Variants in CAMTA1 observed in about 807,000 individuals in gnomAD.
CAMTA1 encodes the protein calmodulin-binding transcription activator 1.
In CAMTA1, 27 loss-of-function variants were observed where a neutral mutation model predicts 170.9. The ratio of observed to expected loss-of-function variants is 0.16; its 90% CI spans 0.12 to 0.22. CAMTA1 has a LOEUF of 0.22. Ranked by LOEUF, CAMTA1 falls within the 10% of genes least tolerant of loss-of-function variation. CAMTA1 has a pLI of 1.00. For missense variants in CAMTA1, 1,619 were observed against 2,217.2 expected (o/e 0.73, Z 5.42); for synonymous variants, 833 against 891.5 (o/e 0.93, Z 1.17).
At chr1:6,789,488 G>C (rs1640403261) in intron 1 of CAMTA1, among the ~76,000 whole-genome samples, 1 of 152,032 alleles carries the variant, frequency 6.6e-6, no homozygotes, top group South Asian at 2.1e-4. Flanking sequence ...TTCCTTTCCT[G>C]TTTGGGGGAA....
intron 4 of CAMTA1, among the ~76,000 whole-genome samples, chr1:7,104,287 T>C (rs879677630): frequency 5.0e-4 from 62 of 124,090 alleles, no homozygotes; most frequent in Admixed American, 7.5e-4. Context: ...ACAAAACAAA[T>C]ATTCAACACA....
chr1:7,578,480 A>G (rs2095224138), intron 6 of CAMTA1, among the ~76,000 whole-genome samples: 1 of 152,210 alleles, frequency 6.6e-6, no homozygotes, highest in African/African-American at 2.4e-5. Context: ...CACAGATGCC[A>G]CTGGGGAAGG....
At position 7,516,129 on chromosome 1, in the gene CAMTA1, G is replaced by A. The variant is rs534957601; in HGVS notation, c.510+48228G>A. On this transcript the variant is annotated intron_variant, in intron 6 of 22. Coordinates refer to ENST00000303635, the MANE Select transcript of CAMTA1 (RefSeq NM_015215.4). ...CCTCCCAGCCGGCTGGGGAACGTGCGCTGACTTTGTAAGTCTCCACCGCTT... is the reference window on the plus strand; with the variant it reads ...CCTCCCAGCCGGCTGGGGAACGTGCACTGACTTTGTAAGTCTCCACCGCTT... 1.4e-4 allele frequency among the ~76,000 whole-genome samples: 22 copies of A among 152,308 alleles called. 1 individual carries two copies. The South Asian group carries it at 1.4e-3, about 10-fold the overall frequency.
At chr1:7,541,868 GT>G (rs35970674) in intron 6 of CAMTA1, among the ~76,000 whole-genome samples, 39,908 of 151,952 alleles carry the variant, frequency 0.26, 5,501 homozygotes, top group African/African-American at 0.33. Flanking sequence ...ACACTGACGT[GT>G]TTTTTTGTTT....
intron 1 of CAMTA1, among the ~76,000 whole-genome samples, chr1:6,792,168 G>C (rs1641297207): frequency 6.6e-6 from 1 of 151,872 alleles, no homozygotes; most frequent in Admixed American, 6.6e-5. Flanking sequence ...ATGTTGGCCA[G>C]GTTGGTCTTG....
intron 4 of CAMTA1, among the ~76,000 whole-genome samples, chr1:7,180,194 G>A (rs976031960): frequency 1.3e-5 from 2 of 151,876 alleles, no homozygotes; most frequent in African/African-American, 4.8e-5. Flanking sequence ...TGGTAAAACC[G>A]TGTCTCTACT....
intron 4 of CAMTA1, among the ~76,000 whole-genome samples, chr1:7,125,933 G>T (rs376888354): frequency 6.6e-6 from 1 of 152,150 alleles, no homozygotes; most frequent in African/African-American, 2.4e-5. Context: ...CTGAGACTGG[G>T]TAATTTATAA....
At chr1:7,051,255 A>G (rs1358158052) in intron 3 of CAMTA1, among the ~76,000 whole-genome samples, 1 of 152,172 alleles carries the variant, frequency 6.6e-6, no homozygotes, top group East Asian at 1.9e-4. Flanking sequence ...TTCATTCAGA[A>G]CGCAGTGAGC....
At chr1:7,038,490 A>G (rs905195633) in intron 3 of CAMTA1, among the ~76,000 whole-genome samples, 9 of 152,232 alleles carry the variant, frequency 5.9e-5, no homozygotes, top group African/African-American at 2.2e-4. Flanking sequence ...GAGTTTTGCA[A>G]TGAAACCCAT....
chr1:7,607,076 G>A (rs1221804701), intron 6 of CAMTA1, among the ~76,000 whole-genome samples: 1 of 152,230 alleles, frequency 6.6e-6, no homozygotes, highest in Non-Finnish European at 1.5e-5. Context: ...TGCATGGATG[G>A]TTGGATGGGT....
At chr1:6,888,934 TGTTTA>T (rs554976541) in intron 3 of CAMTA1, among the ~76,000 whole-genome samples, 27 of 152,328 alleles carry the variant, frequency 1.8e-4, no homozygotes, top group Non-Finnish European at 3.4e-4. Context: ...TGTAACGAAT[TGTTTA>T]AAGAACTGAA....
intron 3 of CAMTA1, among the ~76,000 whole-genome samples, chr1:6,881,835 C>T (rs1301414857): frequency 1.3e-5 from 2 of 152,052 alleles, no homozygotes; most frequent in African/African-American, 2.4e-5. Context: ...GGCATGGTGG[C>T]GGTTGCCTGT....
chr1:7,215,172 A>C (rs1488621310), intron 4 of CAMTA1, among the ~76,000 whole-genome samples: 1 of 152,116 alleles, frequency 6.6e-6, no homozygotes, highest in East Asian at 1.9e-4. Flanking sequence ...TTTTTTAAAA[A>C]AAAGACCCGA....
intron 10 of CAMTA1, among the ~76,000 whole-genome samples, chr1:7,677,067 G>A (rs922518959): frequency 1.3e-5 from 2 of 152,094 alleles, no homozygotes; most frequent in African/African-American, 4.8e-5. Flanking sequence ...CTGGGGCCAG[G>A]GTAACAGAGG....
intron 6 of CAMTA1, among the ~76,000 whole-genome samples, chr1:7,568,228 C>T (rs1235247995): frequency 6.8e-6 from 1 of 148,126 alleles, no homozygotes; most frequent in African/African-American, 2.5e-5. Flanking sequence ...ATCACCACCA[C>T]CATCCATCAT....
intron 3 of CAMTA1, among the ~76,000 whole-genome samples, chr1:6,955,314 T>C (rs1265494507): frequency 6.6e-6 from 1 of 152,074 alleles, no homozygotes; most frequent in Non-Finnish European, 1.5e-5. Context: ...ACCCCTCCAC[T>C]CCTCTTCCCT....
intron 6 of CAMTA1, among the ~76,000 whole-genome samples, chr1:7,545,382 T>C (rs1489910316): frequency 1.3e-5 from 2 of 152,252 alleles, no homozygotes; most frequent in Non-Finnish European, 2.9e-5. Flanking sequence ...TACATGTCTA[T>C]CAACTAATCC....
chr1:7,035,270 C>T (rs565128491), intron 3 of CAMTA1, among the ~76,000 whole-genome samples: 24 of 152,088 alleles, frequency 1.6e-4, no homozygotes, highest in Middle Eastern at 3.4e-3. Flanking sequence ...TGTGGTGGCA[C>T]GCGCCTGTAA....
At chr1:7,376,384 C>T (rs1017844142) in intron 5 of CAMTA1, among the ~76,000 whole-genome samples, 5 of 152,170 alleles carry the variant, frequency 3.3e-5, no homozygotes, top group Non-Finnish European at 7.4e-5. Flanking sequence ...TAGTTAGCTC[C>T]AGGGGGCTCG....
Sources: gnomAD v4.1 joint callset for allele counts (sites outside exome capture counted in the v4.1 genomes callset) on GRCh38, gnomAD v4.1.1 for gene constraint, MANE v1.5 for transcripts, NCBI Gene and HGNC (gene_info 2026-07-23, HGNC 2026-07-21) for gene names.